Variants in ASIC1 observed in about 807,000 individuals in gnomAD.
ASIC1 encodes acid-sensing ion channel 1.
In ASIC1, 21 loss-of-function variants were observed where a neutral mutation model predicts 63.4. The observed-to-expected ratio is 0.33, with a 90% CI of 0.23 to 0.48. ASIC1 has a LOEUF of 0.48. ASIC1 is among the 20% of genes least tolerant of loss of function. The pLI is 0.99. For synonymous variants in ASIC1, 258 were observed against 278.2 expected (o/e 0.93, Z 0.72); for missense variants, 478 against 695.5 (o/e 0.69, Z 3.52).
In ASIC1 at chr12:50,081,246, C is replaced by G. The variant is rs1000152524; in HGVS notation, c.1378-14C>G. ...CGGGGTCCAGCCCGCCCACCTGCCC[C>G]GTCCCCGTCCTAGGTCATTAAGCAC... is the stretch of plus-strand genomic sequence containing the variant. On this transcript the variant is annotated splice_polypyrimidine_tract_variant and intron_variant, in intron 10 of 11. Coordinates refer to ENST00000447966, the MANE Select transcript of ASIC1 (RefSeq NM_001095.4). 1.0e-5 allele frequency: 16 copies of G among 1,604,870 alleles called. No homozygotes were observed. Among genetic ancestry groups the G allele is most frequent in the Admixed American group, 1.7e-5 (1 of 58,406 alleles).
chr12:50,074,115 C>T lies in ASIC1; in HGVS notation c.559-3098C>T, dbSNP rs970900440. On this transcript the variant is annotated intron_variant, in intron 3 of 11. Coordinates refer to ENST00000447966, the MANE Select transcript of ASIC1 (RefSeq NM_001095.4). This position sits in a 1 kb window ranked among gnomAD's most constrained non-coding sequence, Gnocchi z 4.2. Reference sequence around the variant, plus strand: ...CCGGGGTGCCCCTCGCTCCACCGGGCCCTGAGGCCTTCTCTGGGGAGCCCT... The same window carrying T: ...CCGGGGTGCCCCTCGCTCCACCGGGTCCTGAGGCCTTCTCTGGGGAGCCCT... 3.2e-5 allele frequency: 49 copies of T among 1,535,604 alleles called. No homozygotes were observed. In the African/African-American group the frequency reaches 6.4e-4, roughly 20 times the overall value.
At chr12:50,068,911 G>A (rs1950571380) in intron 3 of ASIC1, among the ~76,000 whole-genome samples, 1 of 152,138 alleles carries the variant, frequency 6.6e-6, no homozygotes, top group Non-Finnish European at 1.5e-5. Flanking sequence ...AGGCCTTCCA[G>A]CAGCCCTTCT....
In ASIC1 at chr12:50,074,728, A is replaced by G. The variant is rs1028820226; in HGVS notation, c.559-2485A>G. On this transcript the variant is annotated intron_variant, in intron 3 of 11. Coordinates refer to ENST00000447966, the MANE Select transcript of ASIC1 (RefSeq NM_001095.4). The surrounding 1 kb of genome is among the most constrained non-coding windows in gnomAD (Gnocchi z 4.2). ...CAAGAGAAGGGAGTGAAAGGGTGAC[A>G]GTAGAGGGGTGGGGATATCCCCCAA... Among the ~76,000 whole-genome samples, 1 of 151,984 alleles carries G rather than the reference A, an allele frequency of 6.6e-6. No homozygotes were observed. Among genetic ancestry groups the G allele is most frequent in the Non-Finnish European group, 1.5e-5 (1 of 67,974 alleles).
intron 3 of ASIC1, chr12:50,073,925 A>G: frequency 1.3e-6 from 2 of 1,535,778 alleles, no homozygotes; most frequent in Non-Finnish European, 1.7e-6. Context: ...GTTGCTTATT[A>G]CCTCAGCTAC....
chr12:50,059,371 G>A lies in ASIC1; in HGVS notation c.362+243G>A, dbSNP rs1052597259. The stretch of plus-strand genomic sequence containing the variant: ...GACCCCCACCCAGCCTGAGGTATGA[G>A]ACATTGTCACCCTCTCTGGAGTGAG... On this transcript the variant is annotated intron_variant, in intron 2 of 11. Coordinates refer to ENST00000447966, the MANE Select transcript of ASIC1 (RefSeq NM_001095.4). The surrounding 1 kb of genome is among the most constrained non-coding windows in gnomAD (Gnocchi z 4.6). 6.6e-6 allele frequency among the ~76,000 whole-genome samples: 1 copy of A among 152,236 alleles called. No homozygotes were observed. The highest frequency in any genetic ancestry group is 1.5e-5 in the Non-Finnish European group (1 of 68,046).
At position 50,077,354 on chromosome 12, in the gene ASIC1, G is replaced by A. The variant is rs1179034545; in HGVS notation, c.700G>A (p.Gly234Arg). 6 of 1,614,168 alleles carry A rather than the reference G, an allele frequency of 3.7e-6. No homozygotes were observed. The highest frequency in any genetic ancestry group is 5.1e-6 in the Non-Finnish European group (6 of 1,180,010). ...IQQDEYLPVWGETDETSFEAG... is the reference protein window; with the variant it reads ...IQQDEYLPVWRETDETSFEAG... ...GCAGGACGAGTACCTGCCTGTGTGG[G>A]GGGAGACTGGTACGTCACCCACTTC... The change falls in exon 4 of 12, where the codon GGG (glycine) becomes AGG (arginine). Residue 234 changes from glycine (G) to arginine (R), a missense_variant. By Grantham distance (125) the Gly-to-Arg change is moderately radical. Coordinates refer to ENST00000447966, the MANE Select transcript of ASIC1 (RefSeq NM_001095.4).
intron 3 of ASIC1, among the ~76,000 whole-genome samples, chr12:50,061,790 C>T (rs1592265497): frequency 6.6e-6 from 1 of 152,162 alleles, no homozygotes; most frequent in Non-Finnish European, 1.5e-5. Flanking sequence ...GCTAAGATAA[C>T]ATTTGGTTGA....
rs375726542 is a variant in ASIC1 at position 50,059,660 on chromosome 12, G to A, written c.363-99G>A. On this transcript the variant is annotated intron_variant, in intron 2 of 11. Coordinates refer to ENST00000447966, the MANE Select transcript of ASIC1 (RefSeq NM_001095.4). This position sits in a 1 kb window ranked among gnomAD's most constrained non-coding sequence, Gnocchi z 4.6. ...GCTCTCCTTCCTTGCCTACACCTGG[G>A]ACTGATCCCCAGGGCTGGAGGCTGC... 215 of 1,270,838 alleles carry A rather than the reference G, an allele frequency of 1.7e-4. 1 individual carries two copies. In the African/African-American group the frequency reaches 3.0e-3, roughly 17 times the overall value. 78.7% of individuals were successfully genotyped at this position (1,270,838 alleles called of 1,614,324 possible).
At chr12:50,075,746 T>C (rs1950649317) in intron 3 of ASIC1, among the ~76,000 whole-genome samples, 1 of 152,238 alleles carries the variant, frequency 6.6e-6, no homozygotes, top group South Asian at 2.1e-4. Context: ...CTGGGCTGTA[T>C]TGACTCACCT....
intron 7 of ASIC1, among the ~76,000 whole-genome samples, chr12:50,079,356 T>C (rs1042704348): frequency 2.6e-5 from 4 of 152,068 alleles, no homozygotes; most frequent in Non-Finnish European, 5.9e-5. Context: ...GAGGTTGCAG[T>C]GAGCCGAGAT....
Position 50,057,689 on chromosome 12 carries a change from C to A in ASIC1, c.-244C>A, listed in dbSNP as rs1950457391. 1.3e-5 allele frequency: 2 copies of A among 151,248 alleles called. No homozygotes were observed. The highest frequency in any genetic ancestry group is 2.1e-4 in the South Asian group (1 of 4,830). 9.4% of individuals were successfully genotyped at this position (151,248 alleles called of 1,614,324 possible). ...CGCACCGCGCCGAGCCCGGGCAGAC[C>A]GAGCCGAGGCGAGCGAGCCAGCGAG... On this transcript the variant is annotated 5_prime_UTR_variant, in exon 1 of 12. Coordinates refer to ENST00000447966, the MANE Select transcript of ASIC1 (RefSeq NM_001095.4). This position sits in a 1 kb window ranked among gnomAD's most constrained non-coding sequence, Gnocchi z 4.7.
At chr12:50,076,466 C>CAA (rs11461680) in intron 3 of ASIC1, among the ~76,000 whole-genome samples, 5,892 of 144,938 alleles carry the variant, frequency 0.041, 356 homozygotes, top group East Asian at 0.29. Context: ...GACTCCATCC[C>CAA]AAAAAAAAAA....
intron 3 of ASIC1, among the ~76,000 whole-genome samples, chr12:50,060,986 A>G (rs955614676): frequency 1.3e-5 from 2 of 152,196 alleles, no homozygotes; most frequent in African/African-American, 4.8e-5. Flanking sequence ...CCAAGCTCAC[A>G]CAGTTAGTGA....
chr12:50,073,007 C>T (rs1164278972), intron 3 of ASIC1, among the ~76,000 whole-genome samples: 11 of 151,722 alleles, frequency 7.3e-5, no homozygotes, highest in Admixed American at 5.2e-4. Flanking sequence ...AATAACTGGA[C>T]GAGGGAGAAT....
At chr12:50,058,140 A>G (rs1476424123) in intron 1 of ASIC1, among the ~76,000 whole-genome samples, 5 of 150,168 alleles carry the variant, frequency 3.3e-5, no homozygotes, top group Non-Finnish European at 7.4e-5. Flanking sequence ...CCCCCTCCAT[A>G]CATCCACCTC....
Position 50,074,165 on chromosome 12 carries a change from G to C in ASIC1, c.559-3048G>C, listed in dbSNP as rs574174712. 6.5e-7 allele frequency: 1 copy of C among 1,534,710 alleles called. No homozygotes were observed. The highest frequency in any genetic ancestry group is 2.4e-5 in the East Asian group (1 of 40,896). On this transcript the variant is annotated intron_variant, in intron 3 of 11. Transcript: ENST00000447966. This position sits in a 1 kb window ranked among gnomAD's most constrained non-coding sequence, Gnocchi z 4.2. ...TTTAACCTGCACCGCTTCTACAATC[G>C]CTCCTGCCACCGGCTGGAGGACATG... is the stretch of plus-strand genomic sequence containing the variant.
At chr12:50,060,791 C>T (rs1266406805) in intron 3 of ASIC1, among the ~76,000 whole-genome samples, 1 of 152,212 alleles carries the variant, frequency 6.6e-6, no homozygotes, top group Admixed American at 6.5e-5. Context: ...GGGTTAAGAC[C>T]TGGACCCAGA....
chr12:50,074,335 G>A lies in ASIC1; in HGVS notation c.559-2878G>A, dbSNP rs1026229185. 3 of 1,427,006 alleles carry A rather than the reference G, an allele frequency of 2.1e-6. No homozygotes were observed. The highest frequency in any genetic ancestry group is 2.5e-5 in the East Asian group (1 of 39,842). 88.4% of individuals were successfully genotyped at this position (1,427,006 alleles called of 1,614,324 possible). On this transcript the variant is annotated intron_variant, in intron 3 of 11. Transcript: ENST00000447966. This position sits in a 1 kb window ranked among gnomAD's most constrained non-coding sequence, Gnocchi z 4.2. ...ACCTCCTGGGGTTGGGGCTGGGGCT[G>A]GGGCTGGGGCTGATGACTGTGCTGC... is the stretch of plus-strand genomic sequence containing the variant.
chr12:50,073,701 G>C, intron 3 of ASIC1: 1 of 1,536,518 alleles, frequency 6.5e-7, no homozygotes. Flanking sequence ...TCTCAGAATC[G>C]GAAGAGGAGG....
Sources: allele counts gnomAD v4.1 joint callset (sites outside exome capture counted in the v4.1 genomes callset), GRCh38; gene constraint gnomAD v4.1.1; non-coding constraint Gnocchi (gnomAD v3.1); transcripts MANE v1.5; gene names NCBI Gene and HGNC (gene_info 2026-07-23, HGNC 2026-07-21).